Variants in COL1A2 observed in about 807,000 individuals in gnomAD.
COL1A2 encodes collagen alpha-2(I) chain.
A neutral mutation model predicts 174.3 loss-of-function variants in COL1A2; 49 were observed. That is an observed-to-expected ratio of 0.28 (90% CI 0.22 to 0.36). The LOEUF (loss-of-function observed/expected upper bound fraction) is 0.36, where lower values mean the gene tolerates loss of function less well. COL1A2 is among the 10% of genes least tolerant of loss of function. The pLI is 1.00. For missense variants in COL1A2, 1,438 were observed against 1,822.7 expected, an observed-to-expected ratio of 0.79 and a Z score of 3.84; for synonymous variants, 655 against 606.6, an observed-to-expected ratio of 1.08 and a Z score of -1.17.
At chr7:94,415,161 T>C in intron 29 of COL1A2, 65 bp from the exon 30 acceptor site, 4 of 1,483,212 alleles carry the variant, frequency 2.7e-6, no homozygotes, top group Non-Finnish European at 3.8e-6. Context: ...TTTCAAATAT[T>C]TTAATCATAA....
In COL1A2 at chr7:94,428,472, A is replaced by G. The variant is rs781184808; in HGVS notation, c.3706A>G (p.Ser1236Gly). The G allele has an allele frequency of 5.0e-6, 8 of 1,613,516 alleles. No homozygotes were observed. Among genetic ancestry groups the G allele is most frequent in the Admixed American group, 1.7e-5 (1 of 60,000 alleles). The change falls in exon 50 of 52, where the codon AGC (serine) becomes GGC (glycine). Residue 1236 changes from serine (S) to glycine (G), a missense_variant. This residue lies in a region of COL1A2 where 290 missense variants were observed against 298.1 expected (regional missense o/e 0.97). Coordinates refer to ENST00000297268, the MANE Select transcript of COL1A2 (RefSeq NM_000089.4). The stretch of plus-strand genomic sequence containing the variant: ...GCTAGGAGAAACTATCAATGCTGGC[A>G]GCCAGGTGAGGAATCCCACAAACAC... Reference protein sequence around the residue: ...VWLGETINAGSQFEYNVEGVT... With the variant: ...VWLGETINAGGQFEYNVEGVT...
chr7:94,409,127 G>GT (rs777711419), intron 16 of COL1A2, among the ~76,000 whole-genome samples, 195 bp from the exon 17 acceptor site: 66 of 152,100 alleles, frequency 4.3e-4, no homozygotes, highest in Non-Finnish European at 1.2e-4. Flanking sequence ...AGGGAAGGTA[G>GT]TAACAGTAGC....
At position 94,420,610 on chromosome 7, in the gene COL1A2, G is replaced by C. The variant is rs2115932106; in HGVS notation, c.2257G>C (p.Val753Leu). The change falls in exon 37 of 52, where the codon GTT (valine) becomes CTT (leucine). Residue 753 changes from valine to leucine, a missense_variant. Transcript: ENST00000297268. ...AKGPKGENGV[V>L]GPTGPVGAAG... ...AGGGCCTAAGGGTGAAAACGGTGTT[G>C]TTGGTCCCACAGGCCCCGTTGGAGC... 1 of 1,611,084 alleles carries C rather than the reference G, an allele frequency of 6.2e-7. No homozygotes were observed. The highest frequency in any genetic ancestry group is 8.5e-7 in the Non-Finnish European group (1 of 1,178,572).
intron 32 of COL1A2, among the ~76,000 whole-genome samples, chr7:94,418,106 A>G (rs1332398891): frequency 6.6e-6 from 1 of 152,132 alleles, no homozygotes; most frequent in Non-Finnish European, 1.5e-5. Flanking sequence ...ATCCTGTCCT[A>G]ATTAATGGGA....
rs28754326 is a variant in COL1A2 at position 94,409,654 on chromosome 7, G to A, written c.936+46G>A. 0.11 allele frequency: 181,921 copies of A among 1,613,546 alleles called. 11,511 individuals carry two copies. The highest frequency in any genetic ancestry group is 0.26 in the African/African-American group (19,428 of 74,948). ...AAAATGTGCTGCTATGATTTTAAAG[G>A]CATTTAATGTGTGCTGCCTCTACAG... On this transcript the variant is annotated intron_variant, in intron 18 of 51. Coordinates refer to ENST00000297268, the MANE Select transcript of COL1A2 (RefSeq NM_000089.4).
rs421587 is a variant in COL1A2 at position 94,413,962 on chromosome 7, A to G, written c.1665+15A>G. Reference sequence around the variant, plus strand: ...CAGGCTTCCAGGTAAGTCAACTCAAACATATACAATACTGCCTTTGGTCAG... The same window carrying G: ...CAGGCTTCCAGGTAAGTCAACTCAAGCATATACAATACTGCCTTTGGTCAG... On this transcript the variant is annotated intron_variant, in intron 28 of 51. Transcript: ENST00000297268. 0.3 allele frequency: 475,320 copies of G among 1,605,380 alleles called. 71,640 individuals carry two copies. Among genetic ancestry groups the G allele is most frequent in the Non-Finnish European group, 0.31 (362,910 of 1,172,230 alleles).
chr7:94,419,873 CAT>C (rs1792118604), intron 34 of COL1A2, among the ~76,000 whole-genome samples: 1 of 152,142 alleles, frequency 6.6e-6, no homozygotes, highest in Non-Finnish European at 1.5e-5. Flanking sequence ...CAATAAAATA[CAT>C]AGTGTGCCCA....
At chr7:94,419,960 C>T (rs768064722) in intron 34 of COL1A2, among the ~76,000 whole-genome samples, 10 of 152,160 alleles carry the variant, frequency 6.6e-5, no homozygotes, top group Non-Finnish European at 1.3e-4. Flanking sequence ...AGATCAGCCC[C>T]GTGTCCATCT....
Position 94,413,854 on chromosome 7 carries a change from C to T in COL1A2, c.1612-40C>T, listed in dbSNP as rs745837415. ...TTATACAGCTAGACAACAGTGGTGA[C>T]ATACGTTGCTATTTATGCTCTCTTT... On this transcript the variant is annotated intron_variant, in intron 27 of 51. Coordinates refer to ENST00000297268, the MANE Select transcript of COL1A2 (RefSeq NM_000089.4). 3.1e-6 allele frequency: 5 copies of T among 1,611,662 alleles called. No individual in the cohort carries two copies. The Admixed American group carries it at 8.3e-5, about 27-fold the overall frequency.
chr7:94,425,669 T>C lies in COL1A2; in HGVS notation c.2835+6T>C, dbSNP rs1192025428. On this transcript the variant is annotated splice_donor_region_variant and intron_variant, in intron 43 of 51. Transcript: ENST00000297268. ...ATGGTCAACCCGGACACAAGGTCAG[T>C]ACACTTTTCATCTTTCTCTAATTCA... is the stretch of plus-strand genomic sequence containing the variant. The C allele has an allele frequency of 6.2e-7, 1 of 1,614,018 alleles. No homozygotes were observed. Among genetic ancestry groups the C allele is most frequent in the Admixed American group, 1.7e-5 (1 of 60,010 alleles).
rs555807882 is a variant in COL1A2, at chr7:94,429,342, C to G, written c.3866C>G (p.Ala1289Gly). The G allele has an allele frequency of 3.1e-6, 5 of 1,614,016 alleles. No homozygotes were observed. The East Asian group carries it at 1.1e-4, about 36-fold the overall frequency. ...MDEETGNLKK[A>G]VILQGSNDVE... ...GAGGAGACTGGCAACCTGAAAAAGG[C>G]TGTCATTCTACAGGGCTCTAATGAT... Residue 1289 changes from alanine (A) to glycine (G), a missense_variant, in exon 51 of 52, where the codon GCT (alanine) becomes GGT (glycine). By Grantham distance (60) the Ala-to-Gly change is moderately conservative (BLOSUM62 0). Coordinates refer to ENST00000297268, the MANE Select transcript of COL1A2 (RefSeq NM_000089.4).
chr7:94,409,549 T>A lies in COL1A2; in HGVS notation c.892-15T>A, dbSNP rs1791874186. ...CCAATTAACTGATATCCTTCTCCTT[T>A]CCTTTTCCTCATAGGGTAATCCTGG... On this transcript the variant is annotated splice_polypyrimidine_tract_variant and intron_variant, in intron 17 of 51. Coordinates refer to ENST00000297268, the MANE Select transcript of COL1A2 (RefSeq NM_000089.4). The A allele has an allele frequency of 1.9e-6, 3 of 1,614,096 alleles. No individual in the cohort carries two copies. The highest frequency in any genetic ancestry group is 1.7e-5 in the Admixed American group (1 of 60,008).
At chr7:94,409,662 T>A in intron 18 of COL1A2, 54 bp downstream of exon 18, 1 of 1,613,674 alleles carries the variant, frequency 6.2e-7, no homozygotes, top group African/African-American at 1.3e-5. Context: ...AGGCATTTAA[T>A]GTGTGCTGCC....
chr7:94,429,512 CT>C (rs1413160157), intron 51 of COL1A2, 82 bp downstream of exon 51: 2 of 1,496,612 alleles, frequency 1.3e-6, no homozygotes, highest in African/African-American at 1.4e-5. Flanking sequence ...AAGGGGGGGT[CT>C]AAAGGGGGGT....
rs774555831 is a variant in COL1A2 at position 94,400,303 on chromosome 7, G to A, written c.225+15G>A. On this transcript the variant is annotated intron_variant, in intron 5 of 51. Coordinates refer to ENST00000297268, the MANE Select transcript of COL1A2 (RefSeq NM_000089.4). ...GTCTCGGTGGGGTAAGGTGTCTTAC[G>A]TATTGCTAACTTTTAGCTAACTTCA... 24 of 1,608,660 alleles carry A rather than the reference G, an allele frequency of 1.5e-5. No homozygotes were observed. The highest frequency in any genetic ancestry group is 5.4e-5 in the African/African-American group (4 of 74,466).
chr7:94,411,153 G>T lies in COL1A2; in HGVS notation c.1349G>T (p.Arg450Ile), dbSNP rs1190769930. The T allele has an allele frequency of 9.5e-6, 15 of 1,574,924 alleles. No homozygotes were observed. Among genetic ancestry groups the T allele is most frequent in the Non-Finnish European group, 1.3e-5 (15 of 1,159,068 alleles). The change falls in exon 23 of 52, where the codon AGA becomes ATA. Residue 450 changes from arginine (R) to isoleucine (I), a missense_variant and splice_region_variant. Arg to Ile is a moderately conservative substitution (Grantham distance 97, BLOSUM62 -3). Coordinates refer to ENST00000297268, the MANE Select transcript of COL1A2 (RefSeq NM_000089.4). Reference protein sequence around the residue: ...RPGEPGLMGPRGLPGSPGNIG... With the variant: ...RPGEPGLMGPIGLPGSPGNIG... Reference sequence around the variant, plus strand: ...GGGGAGCCTGGTCTCATGGGACCCAGAGTAAGTTTCAAACTGATTCTGAGC... The same window carrying T: ...GGGGAGCCTGGTCTCATGGGACCCATAGTAAGTTTCAAACTGATTCTGAGC...
intron 1 of COL1A2, chr7:94,395,749 G>A (rs558382570): frequency 6.3e-6 from 1 of 158,014 alleles, no homozygotes; most frequent in African/African-American, 2.4e-5. Context: ...GCCTTTCCCA[G>A]TGGCTAGTCA....
chr7:94,419,604 C>A (rs975804378), intron 34 of COL1A2, 53 bp downstream of exon 34: 1 of 1,598,642 alleles, frequency 6.3e-7, no homozygotes, highest in African/African-American at 1.3e-5. Context: ...TTCCCGCCTT[C>A]CCTAGTCCCA....
chr7:94,424,166 G>T (rs1458077802), intron 40 of COL1A2, 170 bp from the exon 41 acceptor site: 7 of 619,174 alleles, frequency 1.1e-5, no homozygotes, highest in Non-Finnish European at 1.7e-5. Flanking sequence ...ATGCCAAGAT[G>T]TAAACTCACC....
Sources: gnomAD v4.1 joint callset for allele counts (sites outside exome capture counted in the v4.1 genomes callset) on GRCh38, gnomAD v4.1.1 for gene constraint, gnomAD v4.1.1 regional missense constraint, MANE v1.5 for transcripts, NCBI Gene and HGNC (gene_info 2026-07-23, HGNC 2026-07-21) for gene names.